The following PTGFRN variants were observed in gnomAD, a reference collection of about 807,000 sequenced individuals.
PTGFRN encodes prostaglandin F2 receptor negative regulator.
PTGFRN carries 35 observed loss-of-function variants against 83.2 expected under a neutral mutation model. The observed-to-expected ratio is 0.42, with a 90% CI of 0.32 to 0.56. The LOEUF (loss-of-function observed/expected upper bound fraction) is 0.56. PTGFRN is among the 20% of genes least tolerant of loss of function. The pLI, the probability that PTGFRN is intolerant of heterozygous loss-of-function variation, is 0.11. For synonymous variants in PTGFRN, 519 were observed against 498.6 expected (o/e 1.04, Z -0.55); for missense variants, 1,051 against 1,179.5 (o/e 0.89, Z 1.60).
At chr1:116,947,852 G>A (rs528203819) in intron 3 of PTGFRN, among the ~76,000 whole-genome samples, 4 of 152,264 alleles carry the variant, frequency 2.6e-5, no homozygotes, top group East Asian at 1.9e-4. Flanking sequence ...AGAGATGATC[G>A]AGAGAAAGAA....
chr1:116,961,494 A>G lies in PTGFRN; in HGVS notation c.1465A>G (p.Ile489Val). The change falls in exon 5 of 9, where the codon ATT becomes GTT. Residue 489 changes from isoleucine (I) to valine (V), a missense_variant. By Grantham distance (29) the Ile-to-Val change is conservative (BLOSUM62 3). Transcript: ENST00000393203. This position sits in a 1 kb window ranked among gnomAD's most constrained non-coding sequence, Gnocchi z 5.4. ...GCAGCGGGCCCAGGATGGAGACTTT[A>G]TTTTTTCTAAGGAACATACAGACAC... ...SKQRAQDGDFIFSKEHTDTFN... is the reference protein window; with the variant it reads ...SKQRAQDGDFVFSKEHTDTFN... The G allele has an allele frequency of 6.2e-7, 1 of 1,614,036 alleles. No homozygotes were observed. Among genetic ancestry groups the G allele is most frequent in the Non-Finnish European group, 8.5e-7 (1 of 1,179,984 alleles).
At position 116,961,666 on chromosome 1, in the gene PTGFRN, A is replaced by G; in HGVS notation, c.1637A>G (p.Glu546Gly). The G allele has an allele frequency of 6.3e-7, 1 of 1,599,968 alleles. No individual in the cohort carries two copies. The change falls in exon 5 of 9, where the codon GAA (glutamate) becomes GGA (glycine). Residue 546 changes from glutamate (E) to glycine (G), a missense_variant and splice_region_variant. Coordinates refer to ENST00000393203, the MANE Select transcript of PTGFRN (RefSeq NM_020440.4). This position sits in a 1 kb window ranked among gnomAD's most constrained non-coding sequence, Gnocchi z 5.4. Reference protein sequence around the residue: ...SKPVNIFWALEDSVLVVKARQ... With the variant: ...SKPVNIFWALGDSVLVVKARQ... ...CCTGTTAACATATTTTGGGCATTAGAAGGTAGGAACTTTTTTCTTGTTATT... is the reference window on the plus strand; with the variant it reads ...CCTGTTAACATATTTTGGGCATTAGGAGGTAGGAACTTTTTTCTTGTTATT...
At chr1:116,925,014 T>C in intron 1 of PTGFRN, among the ~76,000 whole-genome samples, 1 of 152,112 alleles carries the variant, frequency 6.6e-6, no homozygotes, top group South Asian at 2.1e-4. Context: ...TGGGGAAGGA[T>C]CAGGAAAGCC....
At position 116,989,903 on chromosome 1, in the gene PTGFRN, T is replaced by A. The variant is rs1651667002; in HGVS notation, c.*2936T>A. 1 of 152,662 alleles carries A rather than the reference T, an allele frequency of 6.6e-6. No homozygotes were observed. The highest frequency in any genetic ancestry group is 6.5e-5 in the Admixed American group (1 of 15,288). The allele number at this position is 152,662 out of a possible 1,614,324, so 9.5% of individuals were successfully genotyped here. On this transcript the variant is annotated 3_prime_UTR_variant, in exon 9 of 9. Transcript: ENST00000393203. Reference sequence around the variant, plus strand: ...AGGCCCCTCCTGCCCAGACCTTCGTTTGTTTCCCCGGTGGCCCTTGCTTCT... The same window carrying A: ...AGGCCCCTCCTGCCCAGACCTTCGTATGTTTCCCCGGTGGCCCTTGCTTCT...
intron 4 of PTGFRN, among the ~76,000 whole-genome samples, chr1:116,951,474 A>C (rs1650344892): frequency 6.6e-6 from 1 of 152,238 alleles, no homozygotes; most frequent in Non-Finnish European, 1.5e-5. Flanking sequence ...GCATGTAATA[A>C]GCACTCAATA....
intron 5 of PTGFRN, 38 bp from the exon 6 acceptor site, chr1:116,966,873 C>G: frequency 6.5e-7 from 1 of 1,537,110 alleles, no homozygotes; most frequent in Non-Finnish European, 8.8e-7. Context: ...TTTAACTGAT[C>G]TTGTTGGAAA....
chr1:116,985,025 C>A, intron 8 of PTGFRN, 40 bp downstream of exon 8: 1 of 767,678 alleles, frequency 1.3e-6, no homozygotes, highest in South Asian at 2.6e-5. Flanking sequence ...TTGGGAATGT[C>A]TTCTTCTTGT....
intron 1 of PTGFRN, among the ~76,000 whole-genome samples, chr1:116,930,677 C>T (rs948087738): frequency 6.6e-5 from 10 of 152,162 alleles, no homozygotes; most frequent in Non-Finnish European, 1.5e-4. Flanking sequence ...TGATTCCTGT[C>T]ATTGCCCTTG....
rs140719535 is a variant in PTGFRN at position 116,949,292 on chromosome 1, C to T, written c.933C>T (p.Pro311=). Residue 311 remains proline, a synonymous_variant, in exon 4 of 9, where the codon CCC becomes CCT. Coordinates refer to ENST00000393203, the MANE Select transcript of PTGFRN (RefSeq NM_020440.4). Reference sequence around the variant, plus strand: ...CAGACCGAGCCGATGACGTCCGGCCCGAGGTGACGTGGTCCTTCAGCAGGA... The same window carrying T: ...CAGACCGAGCCGATGACGTCCGGCCTGAGGTGACGTGGTCCTTCAGCAGGA... The part of the protein sequence containing the change: ...ITTDRADDVR[P]EVTWSFSRMP... 30 of 1,614,256 alleles carry T rather than the reference C, an allele frequency of 1.9e-5. No homozygotes were observed. Among genetic ancestry groups the T allele is most frequent in the African/African-American group, 1.3e-4 (10 of 75,066 alleles).
At chr1:116,946,045 A>T (rs1209376236) in intron 3 of PTGFRN, among the ~76,000 whole-genome samples, 1 of 152,134 alleles carries the variant, frequency 6.6e-6, no homozygotes, top group African/African-American at 2.4e-5. Context: ...GTTTTCTGCA[A>T]GTCTGACATC....
At chr1:116,912,380 G>T (rs1400760528) in intron 1 of PTGFRN, among the ~76,000 whole-genome samples, 1 of 152,194 alleles carries the variant, frequency 6.6e-6, no homozygotes, top group African/African-American at 2.4e-5. Context: ...GTGTTACACT[G>T]CTCTGGCACT....
At chr1:116,977,330 A>G (rs935665983) in intron 7 of PTGFRN, among the ~76,000 whole-genome samples, 1 of 152,186 alleles carries the variant, frequency 6.6e-6, no homozygotes, top group Non-Finnish European at 1.5e-5. Flanking sequence ...GAAAGTTAAC[A>G]AGGATGTCCA....
chr1:116,934,049 T>G (rs1001121546), intron 1 of PTGFRN, among the ~76,000 whole-genome samples: 1 of 152,234 alleles, frequency 6.6e-6, no homozygotes, highest in Admixed American at 6.5e-5. Flanking sequence ...CTGTGTCTCA[T>G]AGATTCTTGT....
intron 6 of PTGFRN, among the ~76,000 whole-genome samples, chr1:116,968,485 A>G (rs1022023020): frequency 6.6e-6 from 1 of 152,078 alleles, no homozygotes; most frequent in Non-Finnish European, 1.5e-5. Flanking sequence ...AAGCCCTTAG[A>G]TTTGGAGAAA....
chr1:116,913,011 A>G (rs1354242780), intron 1 of PTGFRN, among the ~76,000 whole-genome samples: 1 of 151,964 alleles, frequency 6.6e-6, no homozygotes, highest in Non-Finnish European at 1.5e-5. Flanking sequence ...TTGCCCATCC[A>G]CTCAATGTGG....
At chr1:116,943,265 A>G (rs1423210948) in intron 2 of PTGFRN, among the ~76,000 whole-genome samples, 1 of 152,216 alleles carries the variant, frequency 6.6e-6, no homozygotes, top group Non-Finnish European at 1.5e-5. Context: ...CTTTATTCCT[A>G]TAGAAAATTC....
rs963245196 is a variant in PTGFRN at position 116,958,500 on chromosome 1, C to G, written c.1214-2743C>G. 2.6e-5 allele frequency among the ~76,000 whole-genome samples: 4 copies of G among 152,172 alleles called. No individual in the cohort carries two copies. Among genetic ancestry groups the G allele is most frequent in the African/African-American group, 9.7e-5 (4 of 41,448 alleles). On this transcript the variant is annotated intron_variant, in intron 4 of 8. Transcript: ENST00000393203. This position sits in a 1 kb window ranked among gnomAD's most constrained non-coding sequence, Gnocchi z 4.9. ...AACTGTGTGGCCAAGTCACTAACTT[C>G]TTTAAAGCTCTCCCCTCAGAAATGG...
chr1:116,974,483 T>G, intron 7 of PTGFRN, 160 bp downstream of exon 7: 1 of 517,982 alleles, frequency 1.9e-6, no homozygotes, highest in Non-Finnish European at 3.4e-6. Context: ...GTTTAATAAA[T>G]ACATGTTGAG....
intron 1 of PTGFRN, among the ~76,000 whole-genome samples, chr1:116,917,738 TC>T (rs1649439733): frequency 6.6e-6 from 1 of 152,112 alleles, no homozygotes; most frequent in African/African-American, 2.4e-5. Context: ...CAAGCAGTCC[TC>T]CCACCTCAGC....
Sources: allele counts gnomAD v4.1 joint callset (sites outside exome capture counted in the v4.1 genomes callset), GRCh38; gene constraint gnomAD v4.1.1; non-coding constraint Gnocchi (gnomAD v3.1); transcripts MANE v1.5; gene names NCBI Gene and HGNC (gene_info 2026-07-23, HGNC 2026-07-21).